The following SLC4A4 variants were observed in gnomAD, a reference collection of about 807,000 sequenced individuals.
SLC4A4 encodes electrogenic sodium bicarbonate cotransporter 1.
A neutral mutation model predicts 111.5 loss-of-function variants in SLC4A4; 27 were observed. That is an observed-to-expected ratio of 0.24 (90% CI 0.18 to 0.33). The LOEUF is 0.33. Ranked by LOEUF, SLC4A4 falls within the 10% of genes least tolerant of loss-of-function variation. The pLI is 1.00. For synonymous variants in SLC4A4, 443 were observed against 463.4 expected (o/e 0.96, Z 0.57); for missense variants, 909 against 1,315.5 (o/e 0.69, Z 4.78).
At chr4:71,171,636 G>C (rs1744943197) in intron 2 of SLC4A4, among the ~76,000 whole-genome samples, 1 of 152,124 alleles carries the variant, frequency 6.6e-6, no homozygotes, top group South Asian at 2.1e-4. Flanking sequence ...ACTTCCATTT[G>C]CTTTGACTGG....
At chr4:71,251,755 C>T (rs535983771) in intron 2 of SLC4A4, among the ~76,000 whole-genome samples, 1 of 152,298 alleles carries the variant, frequency 6.6e-6, no homozygotes, top group African/African-American at 2.4e-5. Flanking sequence ...ACTTCTTCCT[C>T]ATACATTATA....
chr4:71,075,903 G>C (rs1184423458), intron 1 of SLC4A4, among the ~76,000 whole-genome samples: 1 of 151,738 alleles, frequency 6.6e-6, no homozygotes, highest in Non-Finnish European at 1.5e-5. Context: ...GGAGGTTGCA[G>C]TGAGCCAAGA....
chr4:71,311,235 A>G (rs1366539263), intron 3 of SLC4A4, among the ~76,000 whole-genome samples: 3 of 152,188 alleles, frequency 2.0e-5, no homozygotes, highest in African/African-American at 7.2e-5. Context: ...ACTCCCACAC[A>G]GTAATAGTGG....
intron 1 of SLC4A4, among the ~76,000 whole-genome samples, chr4:71,220,809 A>G (rs72850680): frequency 1.8e-4 from 28 of 152,028 alleles, no homozygotes; most frequent in Admixed American, 9.2e-4. Context: ...GTATTATTTC[A>G]TCACCCATGT....
intron 22 of SLC4A4, 79 bp downstream of exon 22, chr4:71,557,964 G>A: frequency 7.8e-7 from 1 of 1,290,222 alleles, no homozygotes; most frequent in Non-Finnish European, 1.1e-6. Context: ...AGACACACAT[G>A]TCTTTTATGT....
chr4:71,181,279 C>T lies in SLC4A4; in HGVS notation c.-1-55297C>T, dbSNP rs142253140. Among the ~76,000 whole-genome samples, 44 of 151,854 alleles carry T rather than the reference C, an allele frequency of 2.9e-4. No homozygotes were observed. In the East Asian group the frequency reaches 8.0e-3, roughly 27 times the overall value. On this transcript the variant is annotated intron_variant, in intron 2 of 26. Coordinates refer to the SLC4A4 transcript ENST00000649996. ...TATCTAATGTTAAATGATGAGTTAC[C>T]GAGTGCAGCACACCAACATGGCACA...
chr4:71,179,996 A>G (rs1745235672), intron 2 of SLC4A4, among the ~76,000 whole-genome samples: 1 of 152,214 alleles, frequency 6.6e-6, no homozygotes, highest in African/African-American at 2.4e-5. Flanking sequence ...ACTGGTACCA[A>G]AACAGAGATA....
chr4:71,528,642 T>A (rs1733623084), intron 16 of SLC4A4, among the ~76,000 whole-genome samples: 1 of 152,084 alleles, frequency 6.6e-6, no homozygotes, highest in South Asian at 2.1e-4. Context: ...CTTATATATA[T>A]GTGCAAAGAT....
chr4:71,511,073 G>A lies in SLC4A4; in HGVS notation c.2166+13381G>A, dbSNP rs140866954. 4.6e-3 allele frequency among the ~76,000 whole-genome samples: 697 copies of A among 152,050 alleles called. 6 individuals carry two copies. Among genetic ancestry groups the A allele is most frequent in the African/African-American group, 0.016 (665 of 41,494 alleles). On this transcript the variant is annotated intron_variant, in intron 16 of 25. Transcript: ENST00000264485. ...ATATCTTTTAATGTTATATATCCCTGAACAAATTATTATAGCAATTATCAT... is the reference window on the plus strand; with the variant it reads ...ATATCTTTTAATGTTATATATCCCTAAACAAATTATTATAGCAATTATCAT...
intron 3 of SLC4A4, among the ~76,000 whole-genome samples, chr4:71,328,075 G>A (rs1302803478): frequency 6.6e-6 from 1 of 151,930 alleles, no homozygotes; most frequent in Non-Finnish European, 1.5e-5. Flanking sequence ...AAATAAGTGA[G>A]GACGTGCAAA....
intron 3 of SLC4A4, among the ~76,000 whole-genome samples, chr4:71,305,293 ACC>A (rs1438075642): frequency 6.6e-6 from 1 of 152,202 alleles, no homozygotes; most frequent in African/African-American, 2.4e-5. Flanking sequence ...TAGCAGTGTA[ACC>A]TTTGGTGATT....
At chr4:71,215,984 A>T (rs1223770767) in intron 1 of SLC4A4, among the ~76,000 whole-genome samples, 3 of 143,422 alleles carry the variant, frequency 2.1e-5, no homozygotes, top group Non-Finnish European at 4.5e-5. Context: ...GGCTAATTGC[A>T]TCTTCCGCCC....
At chr4:71,273,469 A>G (rs991864751) in intron 3 of SLC4A4, among the ~76,000 whole-genome samples, 1 of 152,192 alleles carries the variant, frequency 6.6e-6, no homozygotes, top group African/African-American at 2.4e-5. Context: ...GGATGTCTCT[A>G]TTGAGCTCCT....
chr4:71,240,089 ACG>A (rs1720089728), intron 2 of SLC4A4, among the ~76,000 whole-genome samples: 1 of 152,090 alleles, frequency 6.6e-6, no homozygotes, highest in Admixed American at 6.6e-5. Context: ...CGTAGCAATT[ACG>A]TAGTGATTGC....
At position 71,532,169 on chromosome 4, in the gene SLC4A4, G is replaced by C; in HGVS notation, c.2274G>C (p.Glu758Asp). Residue 758 changes from glutamate (E) to aspartate (D), a missense_variant, in exon 17 of 26, where the codon GAG becomes GAC. Glu to Asp is a conservative substitution (Grantham distance 45, BLOSUM62 2). Around this residue, in one of 7 missense-constraint regions of SLC4A4, gnomAD observed 264 missense variants for 356.8 expected, o/e 0.74. Transcript: ENST00000264485. The stretch of plus-strand genomic sequence containing the variant: ...CCCCAAAACTAATTGTGCCAAGTGA[G>C]TTCAAGGTAGGTGAATGTCTATCTT... ...VDTPKLIVPS[E>D]FKPTSPNRGW... 6.4e-7 allele frequency: 1 copy of C among 1,569,032 alleles called. No homozygotes were observed.
At chr4:71,491,358 T>C (rs1304915489) in intron 15 of SLC4A4, among the ~76,000 whole-genome samples, 1 of 151,884 alleles carries the variant, frequency 6.6e-6, no homozygotes, top group African/African-American at 2.4e-5. Flanking sequence ...CTACAGCACG[T>C]CCTCAGATTA....
chr4:71,323,993 G>GT (rs986172997), intron 3 of SLC4A4, among the ~76,000 whole-genome samples: 4 of 151,980 alleles, frequency 2.6e-5, no homozygotes, highest in East Asian at 1.9e-4. Context: ...CCTTCCAGGT[G>GT]TTTTTTTGCA....
Position 71,419,506 on chromosome 4 carries a change from G to A in SLC4A4, c.808-21110G>A, listed in dbSNP as rs191819843. ...GCGTAGGACCCTCCGAGCCAGGTGC[G>A]GGATATAATCTCCTGGTGCCCCGTT... is the stretch of plus-strand genomic sequence containing the variant. On this transcript the variant is annotated intron_variant, in intron 7 of 25. Coordinates refer to ENST00000264485, the MANE Select transcript of SLC4A4 (RefSeq NM_001098484.3). 6.6e-5 allele frequency among the ~76,000 whole-genome samples: 10 copies of A among 152,352 alleles called. 1 individual carries two copies. Among genetic ancestry groups the A allele is most frequent in the East Asian group, 1.9e-4 (1 of 5,180 alleles).
At chr4:71,551,422 T>C (rs1406305438) in intron 20 of SLC4A4, among the ~76,000 whole-genome samples, 4 of 151,892 alleles carry the variant, frequency 2.6e-5, no homozygotes, top group Non-Finnish European at 5.9e-5. Context: ...GTGATGATGA[T>C]GATGATAGTA....
Sources: gnomAD v4.1 joint callset for allele counts (sites outside exome capture counted in the v4.1 genomes callset) on GRCh38, gnomAD v4.1.1 for gene constraint, gnomAD v4.1.1 regional missense constraint, MANE v1.5 for transcripts, NCBI Gene and HGNC (gene_info 2026-07-23, HGNC 2026-07-21) for gene names.